Variants in STPG2 observed in about 807,000 individuals in gnomAD.
STPG2 encodes the protein sperm-tail PG-rich repeat-containing protein 2.
In STPG2, 56 loss-of-function variants were observed where a neutral mutation model predicts 54.2. The ratio of observed to expected loss-of-function variants is 1.03; its 90% CI spans 0.83 to 1.29. The LOEUF (loss-of-function observed/expected upper bound fraction) is 1.29, where lower values mean the gene tolerates loss of function less well. Among genes scored for constraint, STPG2 ranks in the 50% most tolerant of loss-of-function variants. The pLI is 0.00. For synonymous variants in STPG2, 200 were observed against 181.8 expected, an observed-to-expected ratio of 1.10 and a Z score of -0.81; for missense variants, 596 against 544.9, an observed-to-expected ratio of 1.09 and a Z score of -0.93.
intron 5 of STPG2, among the ~76,000 whole-genome samples, chr4:98,079,104 GTTATA>G (rs1219822000): frequency 1.3e-5 from 2 of 152,122 alleles, no homozygotes; most frequent in African/African-American, 4.8e-5. Context: ...GCTCAAAATA[GTTATA>G]TTATATATAT....
At chr4:97,946,055 T>C (rs1263349195) in intron 7 of STPG2, among the ~76,000 whole-genome samples, 1 of 152,056 alleles carries the variant, frequency 6.6e-6, no homozygotes, top group African/African-American at 2.4e-5. Context: ...TGAGACCCTG[T>C]CTCAAAAAAA....
At chr4:97,477,611 GGACTACAGGCGCCTGC>G (rs1396116253) in intron 4 of STPG2, among the ~76,000 whole-genome samples, 1 of 150,970 alleles carries the variant, frequency 6.6e-6, no homozygotes, top group Non-Finnish European at 1.5e-5. Flanking sequence ...CAAGTAGCTG[GGACTACAGGCGCCTGC>G]CACCATGCCC....
chr4:97,918,641 A>T (rs1655264689), intron 8 of STPG2, among the ~76,000 whole-genome samples: 1 of 152,224 alleles, frequency 6.6e-6, no homozygotes, highest in Non-Finnish European at 1.5e-5. Flanking sequence ...GCCATAAAAA[A>T]GGAATGAAAT....
At chr4:98,105,473 C>G (rs1425543401) in intron 5 of STPG2, among the ~76,000 whole-genome samples, 1 of 152,016 alleles carries the variant, frequency 6.6e-6, no homozygotes, top group Non-Finnish European at 1.5e-5. Context: ...GTGTTTTGAG[C>G]TCTCTGAGTT....
At chr4:97,916,981 C>T (rs1361792677) in intron 8 of STPG2, 1 of 152,694 alleles carries the variant, frequency 6.5e-6, no homozygotes, top group African/African-American at 2.4e-5. Flanking sequence ...AGGACAGCAG[C>T]TTCTTGTAGG....
intron 8 of STPG2, among the ~76,000 whole-genome samples, chr4:97,924,684 T>C (rs1300278898): frequency 1.3e-5 from 2 of 152,232 alleles, no homozygotes; most frequent in Non-Finnish European, 2.9e-5. Context: ...TTGAAGTCAA[T>C]TTTTAAATGT....
intron 5 of STPG2, among the ~76,000 whole-genome samples, chr4:97,987,794 C>T (rs1392199398): frequency 6.6e-6 from 1 of 152,112 alleles, no homozygotes; most frequent in East Asian, 1.9e-4. Flanking sequence ...CTTCTCTCCA[C>T]CTCCACAACT....
intron 10 of STPG2, among the ~76,000 whole-genome samples, chr4:97,596,730 A>G (rs1356678087): frequency 6.6e-6 from 1 of 152,216 alleles, no homozygotes; most frequent in African/African-American, 2.4e-5. Context: ...AAAAAAAGAT[A>G]AAACATAACA....
At chr4:98,017,747 T>C (rs551917257) in intron 5 of STPG2, among the ~76,000 whole-genome samples, 1 of 152,318 alleles carries the variant, frequency 6.6e-6, no homozygotes, top group African/African-American at 2.4e-5. Flanking sequence ...TCTCACATGT[T>C]GAGGGAGGAC....
chr4:98,051,201 G>C lies in STPG2; in HGVS notation c.612+54752C>G, dbSNP rs564351566. On this transcript the variant is annotated intron_variant, in intron 5 of 10. Transcript: ENST00000295268. ...GAAGTTAGTTCCCTAATCTGCCAAA[G>C]TTAAAATTAATTCTATCAAAGTTAA... is the stretch of plus-strand genomic sequence containing the variant. Among the ~76,000 whole-genome samples, 4 of 152,196 alleles carry C rather than the reference G, an allele frequency of 2.6e-5. No homozygotes were observed. In the East Asian group the frequency reaches 7.7e-4, roughly 29 times the overall value.
intron 5 of STPG2, among the ~76,000 whole-genome samples, chr4:98,045,401 G>A (rs570360757): frequency 1.4e-4 from 21 of 152,122 alleles, no homozygotes; most frequent in Non-Finnish European, 2.6e-4. Context: ...AGATTGTCCT[G>A]TGATTTCTAT....
At chr4:97,547,703 T>G (rs564829057) in intron 4 of STPG2, among the ~76,000 whole-genome samples, 1 of 152,158 alleles carries the variant, frequency 6.6e-6, no homozygotes, top group Non-Finnish European at 1.5e-5. Flanking sequence ...GCAGACAAAC[T>G]AGAGAAATGT....
intron 9 of STPG2, among the ~76,000 whole-genome samples, chr4:97,723,971 A>G (rs7672718): frequency 0.26 from 40,157 of 152,138 alleles, 5,718 homozygotes; most frequent in Middle Eastern, 0.36. Context: ...GAGCCAAACC[A>G]TATCAGTAAG....
downstream of STPG2, among the ~76,000 whole-genome samples, chr4:97,554,357 G>A (rs374680069): frequency 8.6e-4 from 131 of 152,292 alleles, 1 homozygote; most frequent in South Asian, 0.024. Flanking sequence ...GTCTTCAGGG[G>A]AGTCCCGAAC....
intron 10 of STPG2, among the ~76,000 whole-genome samples, chr4:97,668,034 A>T (rs1430982382): frequency 6.6e-6 from 1 of 152,208 alleles, no homozygotes; most frequent in Non-Finnish European, 1.5e-5. Flanking sequence ...TTACATGACT[A>T]TATCTCAAAA....
intron 4 of STPG2, among the ~76,000 whole-genome samples, chr4:97,523,949 A>C (rs2148848637): frequency 6.6e-6 from 1 of 152,004 alleles, no homozygotes; most frequent in South Asian, 2.1e-4. Context: ...CAGAATTAAA[A>C]CCTCAGATAA....
At chr4:98,126,925 T>A (rs1739848027) in intron 3 of STPG2, among the ~76,000 whole-genome samples, 2 of 152,070 alleles carry the variant, frequency 1.3e-5, no homozygotes, top group Admixed American at 1.3e-4. Flanking sequence ...TGAAACTATT[T>A]CAAAATATTA....
chr4:98,138,852 C>G (rs1375719818), intron 1 of STPG2, among the ~76,000 whole-genome samples: 1 of 152,014 alleles, frequency 6.6e-6, no homozygotes, highest in African/African-American at 2.4e-5. Context: ...TGATGTCACC[C>G]AGCTTAGCTA....
At chr4:97,677,284 T>A (rs1019690914) in intron 10 of STPG2, among the ~76,000 whole-genome samples, 4 of 152,136 alleles carry the variant, frequency 2.6e-5, no homozygotes, top group African/African-American at 9.7e-5. Flanking sequence ...TGACATGGCA[T>A]TTACTGTTTT....
Sources: gnomAD v4.1 joint callset for allele counts (sites outside exome capture counted in the v4.1 genomes callset) on GRCh38, gnomAD v4.1.1 for gene constraint, MANE v1.5 for transcripts, NCBI Gene and HGNC (gene_info 2026-07-23, HGNC 2026-07-21) for gene names.